The following DOCK7 variants were observed in gnomAD, a reference collection of about 807,000 sequenced individuals.
The protein encoded by DOCK7 is dedicator of cytokinesis 7, also known as dedicator of cytokinesis protein 7.
A neutral mutation model predicts 271.0 loss-of-function variants in DOCK7; 138 were observed. The observed-to-expected ratio is 0.51, with a 90% CI of 0.44 to 0.59. DOCK7 has a LOEUF of 0.59. DOCK7 is among the 20% of genes least tolerant of loss of function. The probability of loss-of-function intolerance (pLI) is 0.00; values close to 1 mark genes in which losing one functional copy is unlikely to be tolerated. For synonymous variants in DOCK7, 823 were observed against 876.1 expected, an observed-to-expected ratio of 0.94 and a Z score of 1.07; for missense variants, 2,066 against 2,592.4, an observed-to-expected ratio of 0.80 and a Z score of 4.41.
At chr1:62,595,710 C>T (rs1247420285) in intron 14 of DOCK7, among the ~76,000 whole-genome samples, 1 of 152,140 alleles carries the variant, frequency 6.6e-6, no homozygotes. Flanking sequence ...GGGAGGTTCA[C>T]TTGAAGTCAG....
chr1:62,658,662 GGGGAAGGCC>G (rs1363243307), intron 2 of DOCK7, among the ~76,000 whole-genome samples: 3 of 151,868 alleles, frequency 2.0e-5, no homozygotes, highest in African/African-American at 7.3e-5. Context: ...GAAGAATGAA[GGGGAAGGCC>G]GGGCGCAGTA....
intron 41 of DOCK7, among the ~76,000 whole-genome samples, chr1:62,490,921 A>T (rs978936816): frequency 6.6e-6 from 1 of 152,224 alleles, no homozygotes; most frequent in African/African-American, 2.4e-5. Context: ...TTAACTCTGC[A>T]AAAACACTCT....
chr1:62,643,722 TA>T (rs1656310334), intron 7 of DOCK7, among the ~76,000 whole-genome samples: 2 of 152,184 alleles, frequency 1.3e-5, no homozygotes, highest in Non-Finnish European at 2.9e-5. Context: ...TCTTCTTCCC[TA>T]AGTTATTTCC....
At chr1:62,666,501 T>C (rs1486976657) in intron 1 of DOCK7, among the ~76,000 whole-genome samples, 2 of 152,186 alleles carry the variant, frequency 1.3e-5, no homozygotes, top group East Asian at 1.9e-4. Flanking sequence ...ATAGTAGCCA[T>C]AAAAATATGT....
chr1:62,502,172 G>T (rs995815091), intron 37 of DOCK7, among the ~76,000 whole-genome samples: 6 of 151,332 alleles, frequency 4.0e-5, no homozygotes, highest in African/African-American at 1.5e-4. Flanking sequence ...ATTAAAAATG[G>T]GTTGAATAAC....
chr1:62,483,220 A>G (rs1337033380), intron 43 of DOCK7: 1 of 69,412 alleles, frequency 1.4e-5, no homozygotes, highest in African/African-American at 4.2e-5. Flanking sequence ...TTGGGTAGAG[A>G]TGAGATCTCA....
chr1:62,646,988 A>G (rs1305817404), intron 7 of DOCK7, among the ~76,000 whole-genome samples: 1 of 152,210 alleles, frequency 6.6e-6, no homozygotes, highest in Admixed American at 6.5e-5. Flanking sequence ...CAATGCACTT[A>G]ATCTATCTAA....
intron 2 of DOCK7, among the ~76,000 whole-genome samples, chr1:62,655,475 A>C (rs954695348): frequency 6.8e-5 from 10 of 147,754 alleles, no homozygotes; most frequent in Non-Finnish European, 1.5e-5. Context: ...TTCAGGCTAG[A>C]GTGCAATGGT....
rs561425257 is a variant in DOCK7 at position 62,588,285 on chromosome 1, T to C, written c.1683-1661A>G. Among the ~76,000 whole-genome samples, 74 of 152,198 alleles carry C rather than the reference T, an allele frequency of 4.9e-4. 2 individuals carry two copies. Among genetic ancestry groups the C allele is most frequent in the Non-Finnish European group, 2.2e-4 (15 of 68,028 alleles). On this transcript the variant is annotated intron_variant, in intron 14 of 49. Coordinates refer to ENST00000635253, the MANE Select transcript of DOCK7 (RefSeq NM_001367561.1). ...ATAGGAAGATTAAGAAGTCATTCCC[T>C]GGTCTTGAGGAACATAGTATAATGG...
intron 31 of DOCK7, among the ~76,000 whole-genome samples, chr1:62,521,507 C>T (rs1012979732): frequency 6.6e-6 from 1 of 152,118 alleles, no homozygotes; most frequent in African/African-American, 2.4e-5. Flanking sequence ...TACATTTCGA[C>T]TGTCTGGTAA....
chr1:62,583,175 A>G lies in DOCK7; in HGVS notation c.1871+9T>C, dbSNP rs1241187522. On this transcript the variant is annotated intron_variant, in intron 16 of 49. Coordinates refer to ENST00000635253, the MANE Select transcript of DOCK7 (RefSeq NM_001367561.1). ...GAGTAACTTTGAAAGAAATATTTGA[A>G]TTCAGTACCTGTTATGATATACTAC... 6.2e-7 allele frequency: 1 copy of G among 1,604,080 alleles called. No individual in the cohort carries two copies. The highest frequency in any genetic ancestry group is 8.5e-7 in the Non-Finnish European group (1 of 1,171,906).
intron 12 of DOCK7, among the ~76,000 whole-genome samples, chr1:62,620,451 A>G (rs948741278): frequency 2.6e-4 from 40 of 152,106 alleles, no homozygotes; most frequent in Non-Finnish European, 8.8e-5. Context: ...GATTATAAAT[A>G]TCATACCAGT....
chr1:62,654,659 T>C (rs888847295), intron 2 of DOCK7, among the ~76,000 whole-genome samples: 7 of 152,180 alleles, frequency 4.6e-5, no homozygotes, highest in Non-Finnish European at 8.8e-5. Context: ...CCTGTACATG[T>C]CACCTTATAT....
chr1:62,670,105 C>T (rs1247795058), intron 1 of DOCK7, among the ~76,000 whole-genome samples: 4 of 152,180 alleles, frequency 2.6e-5, no homozygotes, highest in African/African-American at 7.2e-5. Flanking sequence ...GATTTCTCGC[C>T]GGGCCTTGGC....
intron 12 of DOCK7, among the ~76,000 whole-genome samples, chr1:62,623,297 A>G (rs1653517074): frequency 6.6e-6 from 1 of 152,232 alleles, no homozygotes; most frequent in Non-Finnish European, 1.5e-5. Context: ...TTACAAAAAT[A>G]GTATATGCTC....
chr1:62,464,503 G>A (rs1452117007), intron 48 of DOCK7, among the ~76,000 whole-genome samples: 1 of 151,536 alleles, frequency 6.6e-6, no homozygotes, highest in African/African-American at 2.4e-5. Flanking sequence ...CCAACATGGC[G>A]AAACCCCGTC....
intron 31 of DOCK7, among the ~76,000 whole-genome samples, chr1:62,515,154 C>A (rs1571361212): frequency 6.8e-6 from 1 of 146,878 alleles, no homozygotes; most frequent in Admixed American, 6.8e-5. Flanking sequence ...AAAAAAAAAA[C>A]CTGACCACCA....
intron 37 of DOCK7, among the ~76,000 whole-genome samples, chr1:62,501,723 C>T (rs1193219235): frequency 1.3e-5 from 2 of 151,952 alleles, no homozygotes; most frequent in East Asian, 1.9e-4. Flanking sequence ...TGTTTATGCA[C>T]TCTATGTATT....
At chr1:62,487,349 T>C in intron 43 of DOCK7, 49 bp downstream of exon 43, 1 of 1,579,402 alleles carries the variant, frequency 6.3e-7, no homozygotes, top group Non-Finnish European at 8.7e-7. Flanking sequence ...ATAAGAAATC[T>C]GATAAAATCA....
Sources: gnomAD v4.1 joint callset for allele counts (sites outside exome capture counted in the v4.1 genomes callset) on GRCh38, gnomAD v4.1.1 for gene constraint, MANE v1.5 for transcripts, NCBI Gene and HGNC (gene_info 2026-07-23, HGNC 2026-07-21) for gene names.